Variants in OXCT1 observed in about 807,000 individuals in gnomAD.
OXCT1 encodes the protein 3-oxoacid CoA-transferase 1.
OXCT1 carries 27 observed loss-of-function variants against 69.6 expected under a neutral mutation model. The observed-to-expected ratio is 0.39, with a 90% confidence interval of 0.29 to 0.54. The LOEUF is 0.54. Among genes scored for constraint, OXCT1 ranks in the 20% least tolerant of loss-of-function variants. The pLI is 0.72. For missense variants in OXCT1, 437 were observed against 650.2 expected, an observed-to-expected ratio of 0.67 and a Z score of 3.57; for synonymous variants, 202 against 217.8, an observed-to-expected ratio of 0.93 and a Z score of 0.64.
At chr5:41,855,828 T>C (rs1749402914) in intron 3 of OXCT1, among the ~76,000 whole-genome samples, 1 of 152,024 alleles carries the variant, frequency 6.6e-6, no homozygotes, top group Admixed American at 6.5e-5. Context: ...AACCCAACTT[T>C]TGGGGAGGAG....
chr5:41,814,898 A>C (rs1165975312), intron 7 of OXCT1, among the ~76,000 whole-genome samples: 1 of 151,848 alleles, frequency 6.6e-6, no homozygotes, highest in Admixed American at 6.6e-5. Flanking sequence ...TAAATAAATA[A>C]AAAGAGTCTT....
intron 15 of OXCT1, among the ~76,000 whole-genome samples, chr5:41,744,919 G>C (rs1642616553): frequency 6.6e-6 from 1 of 152,052 alleles, no homozygotes; most frequent in African/African-American, 2.4e-5. Context: ...CCAGTCCTTA[G>C]AGACCTACAA....
chr5:41,865,560 T>C (rs1431512201), intron 1 of OXCT1, among the ~76,000 whole-genome samples: 1 of 152,218 alleles, frequency 6.6e-6, no homozygotes, highest in African/African-American at 2.4e-5. Context: ...GGTCAACTTA[T>C]ACTACAACAG....
At chr5:41,782,429 G>A (rs913025387) in intron 13 of OXCT1, among the ~76,000 whole-genome samples, 4 of 152,008 alleles carry the variant, frequency 2.6e-5, no homozygotes, top group Non-Finnish European at 4.4e-5. Flanking sequence ...GGCCAGGCTG[G>A]TCTTGAACTC....
At chr5:41,846,699 A>G (rs1290466530) in intron 5 of OXCT1, among the ~76,000 whole-genome samples, 2 of 152,240 alleles carry the variant, frequency 1.3e-5, no homozygotes, top group African/African-American at 2.4e-5. Context: ...TCCCTGAGGA[A>G]TCGCCACACT....
intron 7 of OXCT1, 37 bp from the exon 8 acceptor site, chr5:41,807,475 G>A (rs1472991706): frequency 8.4e-7 from 1 of 1,188,470 alleles, no homozygotes; most frequent in South Asian, 1.2e-5. Context: ...GTTAGTGAAA[G>A]CTTAAAGTGA....
chr5:41,751,457 A>G (rs1743782473), intron 14 of OXCT1, among the ~76,000 whole-genome samples: 1 of 152,080 alleles, frequency 6.6e-6, no homozygotes, highest in Admixed American at 6.6e-5. Context: ...CTGCATACAC[A>G]CTATAGCATA....
At chr5:41,867,345 C>G (rs1285413782) in intron 1 of OXCT1, among the ~76,000 whole-genome samples, 1 of 152,130 alleles carries the variant, frequency 6.6e-6, no homozygotes, top group East Asian at 1.9e-4. Context: ...CCAGACATAG[C>G]CCCTGCTATA....
intron 11 of OXCT1, among the ~76,000 whole-genome samples, chr5:41,796,806 C>G (rs1039928159): frequency 3.9e-5 from 6 of 152,194 alleles, no homozygotes; most frequent in African/African-American, 1.4e-4. Context: ...CTTACTCTAA[C>G]TTGCCTGGCA....
At chr5:41,782,169 A>G (rs61058110) in intron 13 of OXCT1, among the ~76,000 whole-genome samples, 19,336 of 144,428 alleles carry the variant, frequency 0.13, 2,474 homozygotes, top group African/African-American at 0.34. Context: ...GTGAGATGGT[A>G]TCTCATTCTG....
chr5:41,773,800 C>T (rs1478809612), intron 13 of OXCT1, among the ~76,000 whole-genome samples: 1 of 152,056 alleles, frequency 6.6e-6, no homozygotes, highest in African/African-American at 2.4e-5. Flanking sequence ...TTTTAAATTT[C>T]TGATCTTGAT....
chr5:41,731,897 C>T, intron 16 of OXCT1, 127 bp from the exon 17 acceptor site: 1 of 1,162,334 alleles, frequency 8.6e-7, no homozygotes, highest in South Asian at 1.3e-5. Flanking sequence ...CCTGGAGTTT[C>T]CATATGATTT....
intron 7 of OXCT1, among the ~76,000 whole-genome samples, chr5:41,812,575 C>T (rs1747036614): frequency 2.0e-5 from 3 of 151,988 alleles, no homozygotes; most frequent in African/African-American, 7.2e-5. Flanking sequence ...GAGATGAGGA[C>T]TCCTCAAAAT....
At chr5:41,824,425 T>C (rs116113616) in intron 7 of OXCT1, among the ~76,000 whole-genome samples, 37 of 152,340 alleles carry the variant, frequency 2.4e-4, no homozygotes, top group African/African-American at 7.0e-4. Flanking sequence ...TAGAGTCTAC[T>C]TGGACCATTT....
At chr5:41,774,452 G>T (rs971361278) in intron 13 of OXCT1, among the ~76,000 whole-genome samples, 1 of 152,136 alleles carries the variant, frequency 6.6e-6, no homozygotes, top group Non-Finnish European at 1.5e-5. Flanking sequence ...TGACTCTAGG[G>T]GCACAAGAAA....
intron 13 of OXCT1, among the ~76,000 whole-genome samples, chr5:41,772,535 G>A (rs1046905830): frequency 3.9e-5 from 6 of 152,098 alleles, no homozygotes; most frequent in African/African-American, 1.4e-4. Context: ...TATAATAAAT[G>A]TACGTGCCCT....
At chr5:41,834,487 C>CAAAAAAAA (rs1209653207) in intron 7 of OXCT1, among the ~76,000 whole-genome samples, 4 of 75,096 alleles carry the variant, frequency 5.3e-5, no homozygotes, top group Admixed American at 3.0e-4. Flanking sequence ...TGGAAACCCA[C>CAAAAAAAA]AAAAAAAAAA....
rs1188025388 is a variant in OXCT1 at position 41,731,169 on chromosome 5, C to T, written c.*560G>A. 1 of 158,042 alleles carries T rather than the reference C, an allele frequency of 6.3e-6. No individual in the cohort carries two copies. Among genetic ancestry groups the T allele is most frequent in the Non-Finnish European group, 1.4e-5 (1 of 72,510 alleles). 9.8% of individuals were successfully genotyped at this position (158,042 alleles called of 1,614,324 possible). A position where few individuals can be genotyped will look rare whatever the true frequency, so the allele number is the denominator to read the frequency against. On this transcript the variant is annotated 3_prime_UTR_variant, in exon 17 of 17. Transcript: ENST00000196371. ...AACTAGTTATTTCTCCCTGCCCTCC[C>T]CCACAAGAGGCATTCCTGCTTGCCT...
At chr5:41,821,898 T>C (rs1747571393) in intron 7 of OXCT1, among the ~76,000 whole-genome samples, 1 of 152,212 alleles carries the variant, frequency 6.6e-6, no homozygotes, top group Non-Finnish European at 1.5e-5. Flanking sequence ...TTTTTTTCCC[T>C]GTACAGTGTC....
Sources: allele counts gnomAD v4.1 joint callset (sites outside exome capture counted in the v4.1 genomes callset), GRCh38; gene constraint gnomAD v4.1.1; transcripts MANE v1.5; gene names NCBI Gene and HGNC (gene_info 2026-07-23, HGNC 2026-07-21).